The following TMEM132D variants were observed in gnomAD, a reference collection of about 807,000 sequenced individuals.
TMEM132D encodes mature OL transmembrane protein.
In TMEM132D, 21 loss-of-function variants were observed where a neutral mutation model predicts 62.3. The observed-to-expected ratio is 0.34, with a 90% CI of 0.24 to 0.49. The LOEUF is 0.49. Ranked by LOEUF, TMEM132D falls within the 20% of genes least tolerant of loss-of-function variation. The pLI is 0.99. For synonymous variants in TMEM132D, 621 were observed against 575.6 expected (o/e 1.08, Z -1.13); for missense variants, 1,346 against 1,402.8 (o/e 0.96, Z 0.65).
chr12:129,566,946 T>C (rs1321001177), intron 2 of TMEM132D, among the ~76,000 whole-genome samples: 1 of 152,236 alleles, frequency 6.6e-6, no homozygotes, highest in Non-Finnish European at 1.5e-5. Flanking sequence ...TGGAAACTCC[T>C]GCTTCAAGTT....
chr12:129,469,429 G>C (rs35916430), intron 3 of TMEM132D, among the ~76,000 whole-genome samples: 20,092 of 152,176 alleles, frequency 0.13, 1,628 homozygotes, highest in Middle Eastern at 0.23. Context: ...AATTCTGGAG[G>C]GGGGGCCAGC....
At position 129,763,329 on chromosome 12, in the gene TMEM132D, C is replaced by T. The variant is rs539186810; in HGVS notation, c.80-62631G>A. On this transcript the variant is annotated intron_variant, in intron 1 of 8. Coordinates refer to ENST00000422113, the MANE Select transcript of TMEM132D (RefSeq NM_133448.3). Reference sequence around the variant, plus strand: ...CTGGGCTCAAGCTATCTTCCTGCCTCGGTCTTCCAAAGTGCTGGGGTTACG... The same window carrying T: ...CTGGGCTCAAGCTATCTTCCTGCCTTGGTCTTCCAAAGTGCTGGGGTTACG... Among the ~76,000 whole-genome samples the T allele has an allele frequency of 5.3e-5, 8 of 152,238 alleles. No individual in the cohort carries two copies. In the South Asian group the frequency reaches 1.2e-3, roughly 24 times the overall value.
chr12:129,731,662 T>C (rs1323819101), intron 1 of TMEM132D, among the ~76,000 whole-genome samples: 11 of 127,110 alleles, frequency 8.7e-5, no homozygotes. Flanking sequence ...TTGAAGCCAC[T>C]GGAAATTTTT....
At chr12:129,820,863 G>T (rs1646814865) in intron 1 of TMEM132D, among the ~76,000 whole-genome samples, 1 of 152,186 alleles carries the variant, frequency 6.6e-6, no homozygotes, top group South Asian at 2.1e-4. Context: ...AGCTGGGACT[G>T]CAAGTGTGCA....
At chr12:129,548,438 T>C (rs949040163) in intron 2 of TMEM132D, among the ~76,000 whole-genome samples, 13 of 152,214 alleles carry the variant, frequency 8.5e-5, no homozygotes, top group African/African-American at 2.7e-4. Flanking sequence ...TTATGGTCTA[T>C]TAAAAAGGGA....
intron 2 of TMEM132D, among the ~76,000 whole-genome samples, chr12:129,539,797 G>A (rs1876534950): frequency 6.6e-6 from 1 of 152,102 alleles, no homozygotes; most frequent in Non-Finnish European, 1.5e-5. Flanking sequence ...ATGCTGCTTT[G>A]ATCACAGATC....
At chr12:129,180,713 T>G (rs1331147022) in intron 5 of TMEM132D, among the ~76,000 whole-genome samples, 1 of 152,216 alleles carries the variant, frequency 6.6e-6, no homozygotes, top group Non-Finnish European at 1.5e-5. Context: ...TTTCCAGATC[T>G]GCAGGAAGAA....
At chr12:129,102,540 CAT>C (rs1478181654) in intron 5 of TMEM132D, among the ~76,000 whole-genome samples, 4 of 152,202 alleles carry the variant, frequency 2.6e-5, no homozygotes, top group African/African-American at 9.6e-5. Context: ...CACACACACA[CAT>C]GCACACACAT....
chr12:129,579,619 C>A (rs989810575), intron 2 of TMEM132D, among the ~76,000 whole-genome samples: 2 of 152,180 alleles, frequency 1.3e-5, no homozygotes, highest in African/African-American at 4.8e-5. Context: ...CAGGAAGCAT[C>A]CAACACGGGA....
intron 4 of TMEM132D, among the ~76,000 whole-genome samples, chr12:129,269,254 G>C (rs1305585223): frequency 6.6e-6 from 1 of 151,886 alleles, no homozygotes; most frequent in African/African-American, 2.4e-5. Flanking sequence ...AGCTTGTATA[G>C]TGATTTTTTA....
intron 3 of TMEM132D, among the ~76,000 whole-genome samples, chr12:129,358,990 T>C (rs73422294): frequency 0.018 from 2,755 of 152,222 alleles, 93 homozygotes; most frequent in African/African-American, 0.063. Flanking sequence ...TTTAACTTTA[T>C]TCACAGTATC....
chr12:129,372,487 G>A (rs149372263), intron 3 of TMEM132D, among the ~76,000 whole-genome samples: 1 of 152,120 alleles, frequency 6.6e-6, no homozygotes, highest in Admixed American at 6.5e-5. Flanking sequence ...TAGGAGGTGA[G>A]TAGTGGGCTA....
chr12:129,076,811 C>A (rs12369635), intron 8 of TMEM132D, among the ~76,000 whole-genome samples: 3 of 152,168 alleles, frequency 2.0e-5, no homozygotes, highest in Admixed American at 2.0e-4. Context: ...ATGTCAGGAA[C>A]GGATTAGCCT....
rs539717812 is a variant in TMEM132D at position 129,673,608 on chromosome 12, C to T, written c.968+26202G>A. Among the ~76,000 whole-genome samples the T allele has an allele frequency of 1.5e-3, 227 of 152,274 alleles. No homozygotes were observed. In the Middle Eastern group the frequency reaches 0.02, roughly 14 times the overall value. ...CGAATAAAATTCAGAGCAGTCCAGG[C>T]AAAATGGTGTTGGAATTACACTTAC... is the stretch of plus-strand genomic sequence containing the variant. On this transcript the variant is annotated intron_variant, in intron 2 of 8. Transcript: ENST00000422113.
At chr12:129,505,249 T>TC (rs1875293731) in intron 3 of TMEM132D, among the ~76,000 whole-genome samples, 1 of 146,816 alleles carries the variant, frequency 6.8e-6, no homozygotes, top group Non-Finnish European at 1.5e-5. Flanking sequence ...GGGTATAGTT[T>TC]TTTTTTTTTT....
At chr12:129,608,426 G>T (rs986300403) in intron 2 of TMEM132D, among the ~76,000 whole-genome samples, 1 of 152,154 alleles carries the variant, frequency 6.6e-6, no homozygotes, top group Non-Finnish European at 1.5e-5. Flanking sequence ...AGGTTCGGTT[G>T]TCACTAAAAA....
chr12:129,310,046 G>A (rs1337090414), intron 4 of TMEM132D, among the ~76,000 whole-genome samples: 2 of 150,202 alleles, frequency 1.3e-5, no homozygotes, highest in Non-Finnish European at 2.9e-5. Flanking sequence ...AAATCTAGAT[G>A]AGGGCTGGCC....
chr12:129,451,297 A>G (rs1645701366), intron 3 of TMEM132D, among the ~76,000 whole-genome samples: 1 of 152,234 alleles, frequency 6.6e-6, no homozygotes, highest in Non-Finnish European at 1.5e-5. Flanking sequence ...GGCAAGTTAG[A>G]ACTCTGATAA....
At chr12:129,649,831 T>A (rs1879878272) in intron 2 of TMEM132D, among the ~76,000 whole-genome samples, 1 of 151,794 alleles carries the variant, frequency 6.6e-6, no homozygotes. Flanking sequence ...TATGTGCGTA[T>A]GTGCATGTAT....
Sources: allele counts gnomAD v4.1 joint callset (sites outside exome capture counted in the v4.1 genomes callset), GRCh38; gene constraint gnomAD v4.1.1; transcripts MANE v1.5; gene names NCBI Gene and HGNC (gene_info 2026-07-23, HGNC 2026-07-21).